KCND2: variants seen among roughly 807,000 people sequenced by gnomAD.
KCND2 encodes A-type voltage-gated potassium channel KCND2.
KCND2 carries 16 observed loss-of-function variants against 54.4 expected under a neutral mutation model. The observed-to-expected ratio is 0.29, with a 90% CI of 0.20 to 0.45. The LOEUF (loss-of-function observed/expected upper bound fraction) is 0.45, where lower values mean the gene tolerates loss of function less well. Ranked by LOEUF, KCND2 falls within the 20% of genes least tolerant of loss-of-function variation. KCND2 has a pLI of 1.00. For synonymous variants in KCND2, 317 were observed against 310.7 expected (o/e 1.02, Z -0.21); for missense variants, 486 against 824.2 (o/e 0.59, Z 5.02).
intron 1 of KCND2, among the ~76,000 whole-genome samples, chr7:120,451,596 T>TA (rs1284466749): frequency 1.6e-4 from 25 of 152,208 alleles, no homozygotes; most frequent in African/African-American, 5.8e-4. Flanking sequence ...AAGTAATGAC[T>TA]ACGGTTTTCG....
chr7:120,618,545 A>C (rs1793057343), intron 1 of KCND2, among the ~76,000 whole-genome samples: 1 of 151,370 alleles, frequency 6.6e-6, no homozygotes, highest in Non-Finnish European at 1.5e-5. Flanking sequence ...TATAATTAAC[A>C]CTCTTTTTTT....
chr7:120,524,164 G>A (rs1035386048), intron 1 of KCND2, among the ~76,000 whole-genome samples: 10 of 152,094 alleles, frequency 6.6e-5, no homozygotes, highest in African/African-American at 2.2e-4. Flanking sequence ...GAACCCGGGA[G>A]GTGGAGGCTG....
rs569651046 is a variant in KCND2 at position 120,525,214 on chromosome 7, A to T, written c.1116-207689A>T. ...TGTGTTCAAATTCAAGTTGCCAATCACTTGAACATTCTTAGATATTATAAT... is the reference window on the plus strand; with the variant it reads ...TGTGTTCAAATTCAAGTTGCCAATCTCTTGAACATTCTTAGATATTATAAT... On this transcript the variant is annotated intron_variant, in intron 1 of 5. Coordinates refer to ENST00000331113, the MANE Select transcript of KCND2 (RefSeq NM_012281.3). 1.4e-3 allele frequency among the ~76,000 whole-genome samples: 207 copies of T among 152,268 alleles called. 1 individual carries two copies. Among genetic ancestry groups the T allele is most frequent in the African/African-American group, 4.9e-3 (204 of 41,568 alleles).
chr7:120,340,179 A>G lies in KCND2; in HGVS notation c.1115+64432A>G, dbSNP rs375998423. On this transcript the variant is annotated intron_variant, in intron 1 of 5. Transcript: ENST00000331113. ...TTCAAAAACAGTTTGCACATAGAAG[A>G]AAGAAAACCAGTTTAGAAAGGAATA... Among the ~76,000 whole-genome samples, 5 of 152,240 alleles carry G rather than the reference A, an allele frequency of 3.3e-5. No homozygotes were observed. In the East Asian group the frequency reaches 9.6e-4, roughly 29 times the overall value.
At chr7:120,614,574 C>G (rs745368462) in intron 1 of KCND2, among the ~76,000 whole-genome samples, 3 of 152,152 alleles carry the variant, frequency 2.0e-5, no homozygotes, top group Non-Finnish European at 4.4e-5. Flanking sequence ...CACACATATT[C>G]CTTTCTCACT....
rs541500555 is a variant in KCND2, at chr7:120,500,284, T to A, written c.1115+224537T>A. ...TTCAGAAAGGAAAGGCAGAGATAGG[T>A]ACACACTGTGCTTAGCATATAATCT... On this transcript the variant is annotated intron_variant, in intron 1 of 5. Transcript: ENST00000331113. Among the ~76,000 whole-genome samples the A allele has an allele frequency of 2.0e-5, 3 of 152,318 alleles. No individual in the cohort carries two copies. In the East Asian group the frequency reaches 5.8e-4, roughly 29 times the overall value.
chr7:120,470,274 T>TCAAACTAATCAA, intron 1 of KCND2, among the ~76,000 whole-genome samples: 1 of 152,240 alleles, frequency 6.6e-6, no homozygotes, highest in Middle Eastern at 3.4e-3. Context: ...AGAGAAAATT[T>TCAAACTAATCAA]AGTTCTAAAT....
At chr7:120,451,450 TAAAAC>T (rs778654331) in intron 1 of KCND2, among the ~76,000 whole-genome samples, 5 of 152,238 alleles carry the variant, frequency 3.3e-5, no homozygotes, top group Admixed American at 2.0e-4. Flanking sequence ...TATAAACAAT[TAAAAC>T]AATACAAATA....
chr7:120,701,698 G>A (rs1792404569), intron 1 of KCND2, among the ~76,000 whole-genome samples: 2 of 152,040 alleles, frequency 1.3e-5, no homozygotes, highest in South Asian at 4.2e-4. Context: ...ACAAGCAGGA[G>A]GAAAGGACTC....
chr7:120,530,451 C>G (rs902962889), intron 1 of KCND2, among the ~76,000 whole-genome samples: 7 of 152,174 alleles, frequency 4.6e-5, no homozygotes, highest in African/African-American at 1.7e-4. Context: ...CATTATTACC[C>G]ACCATCCTTC....
At chr7:120,710,691 A>G (rs1305797216) in intron 1 of KCND2, among the ~76,000 whole-genome samples, 2 of 152,060 alleles carry the variant, frequency 1.3e-5, no homozygotes, top group African/African-American at 2.4e-5. Context: ...TGGTACTTAG[A>G]TTGTATAAAA....
chr7:120,346,673 C>T (rs777284604), intron 1 of KCND2, among the ~76,000 whole-genome samples: 1 of 150,396 alleles, frequency 6.6e-6, no homozygotes, highest in African/African-American at 2.5e-5. Context: ...TCTCTCCTCT[C>T]TCTCTCTCTC....
At chr7:120,729,012 T>C (rs915882219) in intron 1 of KCND2, among the ~76,000 whole-genome samples, 1 of 152,218 alleles carries the variant, frequency 6.6e-6, no homozygotes, top group African/African-American at 2.4e-5. Context: ...CAATATAAGC[T>C]TTCTATTCTA....
chr7:120,556,208 C>T (rs558772923), intron 1 of KCND2, among the ~76,000 whole-genome samples: 3 of 152,114 alleles, frequency 2.0e-5, no homozygotes, highest in East Asian at 1.9e-4. Flanking sequence ...TCTCTCAATG[C>T]GTCCGAAATG....
At chr7:120,360,087 T>C (rs531033933) in intron 1 of KCND2, among the ~76,000 whole-genome samples, 20 of 152,248 alleles carry the variant, frequency 1.3e-4, no homozygotes, top group African/African-American at 4.6e-4. Context: ...TTATTTAATA[T>C]AGCTTTTTCT....
At chr7:120,676,027 G>A (rs1009058259) in intron 1 of KCND2, among the ~76,000 whole-genome samples, 4 of 151,788 alleles carry the variant, frequency 2.6e-5, no homozygotes, top group South Asian at 2.1e-4. Context: ...TAATAGAGAC[G>A]AGGTTTGGCC....
At chr7:120,367,401 T>C (rs1001702352) in intron 1 of KCND2, among the ~76,000 whole-genome samples, 1 of 152,112 alleles carries the variant, frequency 6.6e-6, no homozygotes, top group Admixed American at 6.6e-5. Flanking sequence ...GCTGCCTCTA[T>C]GGTTTAGAAC....
intron 1 of KCND2, among the ~76,000 whole-genome samples, chr7:120,671,644 A>C (rs1240301856): frequency 6.6e-6 from 1 of 152,090 alleles, no homozygotes; most frequent in Non-Finnish European, 1.5e-5. Flanking sequence ...ACTCCTCTCT[A>C]TACCAGATCT....
intron 1 of KCND2, among the ~76,000 whole-genome samples, chr7:120,522,132 C>T (rs1034322328): frequency 2.0e-5 from 3 of 152,174 alleles, no homozygotes; most frequent in Non-Finnish European, 4.4e-5. Context: ...GTTTTCTCCA[C>T]CACTCTTCCT....
Sources: gnomAD v4.1 joint callset for allele counts (sites outside exome capture counted in the v4.1 genomes callset) on GRCh38, gnomAD v4.1.1 for gene constraint, MANE v1.5 for transcripts, NCBI Gene and HGNC (gene_info 2026-07-23, HGNC 2026-07-21) for gene names.